Variants in MLH3 observed in about 807,000 individuals in gnomAD.
The protein encoded by MLH3 is DNA mismatch repair protein Mlh3.
Under a neutral mutation model 122.2 loss-of-function variants are expected in MLH3, and 82 were observed. The observed-to-expected ratio is 0.67, with a 90% confidence interval of 0.56 to 0.81. The LOEUF (loss-of-function observed/expected upper bound fraction) is 0.81. Ranked by LOEUF, MLH3 falls within the 30% of genes least tolerant of loss-of-function variation. MLH3 has a pLI of 0.00. For missense variants in MLH3, 1,539 were observed against 1,714.5 expected, an observed-to-expected ratio of 0.90 and a Z score of 1.81; for synonymous variants, 524 against 599.5, an observed-to-expected ratio of 0.87 and a Z score of 1.84.
chr14:75,046,358 T>C lies in MLH3; in HGVS notation c.3280+18A>G, dbSNP rs1046652446. Reference sequence around the variant, plus strand: ...CATCTTCAAAAGCATCTCATGCACATGAATACTACGTACTTACCATTCTCA... The same window carrying C: ...CATCTTCAAAAGCATCTCATGCACACGAATACTACGTACTTACCATTCTCA... On this transcript the variant is annotated intron_variant, in intron 2 of 12. Transcript: ENST00000355774. The C allele has an allele frequency of 3.7e-6, 6 of 1,613,608 alleles. No homozygotes were observed. In the African/African-American group the frequency reaches 6.7e-5, roughly 18 times the overall value.
intron 4 of MLH3, among the ~76,000 whole-genome samples, chr14:75,040,800 A>G (rs1048927756): frequency 6.6e-6 from 1 of 152,176 alleles, no homozygotes; most frequent in African/African-American, 2.4e-5. Context: ...ACCACCCTGA[A>G]TACTGTGCCA....
intron 6 of MLH3, among the ~76,000 whole-genome samples, chr14:75,036,353 A>ATT (rs72459530): frequency 0.33 from 49,327 of 149,610 alleles, 9,939 homozygotes; most frequent in East Asian, 0.63. Flanking sequence ...ACATCTTTTT[A>ATT]TTTTATTTTT....
intron 9 of MLH3, among the ~76,000 whole-genome samples, chr14:75,023,908 A>G (rs1161206466): frequency 1.3e-5 from 2 of 152,208 alleles, no homozygotes; most frequent in Non-Finnish European, 2.9e-5. Flanking sequence ...AAATGGGCAC[A>G]GTTATCAAGA....
chr14:75,041,791 G>C, intron 3 of MLH3, 91 bp from the exon 4 acceptor site: 1 of 859,594 alleles, frequency 1.2e-6, no homozygotes, highest in Non-Finnish European at 2.0e-6. Context: ...ATAGCCTCAA[G>C]ACCAAAGGTC....
chr14:75,041,077 A>G (rs1891821430), intron 4 of MLH3, among the ~76,000 whole-genome samples: 1 of 152,142 alleles, frequency 6.6e-6, no homozygotes, highest in South Asian at 2.1e-4. Flanking sequence ...TTTTTAAGAG[A>G]TGGAGTCTCA....
At chr14:75,030,227 C>T (rs1457910694) in intron 9 of MLH3, among the ~76,000 whole-genome samples, 1 of 152,198 alleles carries the variant, frequency 6.6e-6, no homozygotes, top group Admixed American at 6.5e-5. Context: ...CCCAGGCACA[C>T]AAGTCATTCT....
At position 75,040,449 on chromosome 14, in the gene MLH3, C is replaced by CAAAAAAAAAAAAAAAA. The variant is rs36233766; in HGVS notation, c.3466-450_3466-435dup. On this transcript the variant is annotated intron_variant, in intron 4 of 12. Coordinates refer to ENST00000355774, the MANE Select transcript of MLH3 (RefSeq NM_001040108.2). Reference sequence around the variant, plus strand: ...TGGGCGACACAGCAAGACTCTGTCACAAAAAAAAAAAAAAAAAAAAAAAAA... The same window carrying CAAAAAAAAAAAAAAAA: ...TGGGCGACACAGCAAGACTCTGTCACAAAAAAAAAAAAAAAAAAAAAAAAAAAAAAAAAAAAAAAAA... Among the ~76,000 whole-genome samples, 11 of 35,596 alleles carry CAAAAAAAAAAAAAAAA rather than the reference C, an allele frequency of 3.1e-4. 2 individuals are homozygous for CAAAAAAAAAAAAAAAA. The highest frequency in any genetic ancestry group is 8.9e-4 in the East Asian group (1 of 1,126). 23.4% of individuals were successfully genotyped at this position (35,596 alleles called of 152,430 possible). A position where few individuals can be genotyped will look rare whatever the true frequency, so the allele number is the denominator to read the frequency against.
chr14:75,039,098 C>T (rs1391207442), intron 5 of MLH3, among the ~76,000 whole-genome samples: 1 of 152,112 alleles, frequency 6.6e-6, no homozygotes, highest in Non-Finnish European at 1.5e-5. Flanking sequence ...ACCTCATGAT[C>T]CACCCACCTC....
In MLH3 at chr14:75,016,184, C is replaced by T; in HGVS notation, c.*898G>A. ...AATAGATAGGCATAATGTAATAACA[C>T]CAAGATACCGTTTGAAAGGGACCCA... On this transcript the variant is annotated 3_prime_UTR_variant, in exon 13 of 13. Coordinates refer to ENST00000355774, the MANE Select transcript of MLH3 (RefSeq NM_001040108.2). 4.5e-6 allele frequency: 1 copy of T among 220,158 alleles called. No homozygotes were observed. Among genetic ancestry groups the T allele is most frequent in the Admixed American group, 5.8e-5 (1 of 17,358 alleles). The allele number at this position is 220,158 out of a possible 1,614,324, so 13.6% of individuals were successfully genotyped here.
intron 6 of MLH3, among the ~76,000 whole-genome samples, chr14:75,037,093 G>C (rs1344530839): frequency 6.6e-6 from 1 of 151,996 alleles, no homozygotes; most frequent in Admixed American, 6.6e-5. Context: ...AACAGTATTG[G>C]GACAAAGCAA....
In MLH3 at chr14:75,032,163, T is replaced by G. The variant is rs1270908658; in HGVS notation, c.3732A>C (p.Gln1244His). The G allele has an allele frequency of 6.2e-7, 1 of 1,611,412 alleles. No homozygotes were observed. Among genetic ancestry groups the G allele is most frequent in the South Asian group, 1.1e-5 (1 of 91,024 alleles). Residue 1244 changes from glutamine (Q) to histidine (H), a missense_variant, in exon 8 of 13, where the codon CAA becomes CAC. Physicochemically the swap from Gln to His is conservative, Grantham distance 24. Coordinates refer to ENST00000355774, the MANE Select transcript of MLH3 (RefSeq NM_001040108.2). ...EQLIIDSYEKQQAQGSGRKKL... is the reference protein window; with the variant it reads ...EQLIIDSYEKHQAQGSGRKKL... ...TTTTCCGACCAGAGCCTTGTGCCTGTTGCTTCTCGTAGGAATCTATTGGCA... is the reference window on the plus strand; with the variant it reads ...TTTTCCGACCAGAGCCTTGTGCCTGGTGCTTCTCGTAGGAATCTATTGGCA...
chr14:75,035,296 C>T (rs142683448), intron 6 of MLH3, among the ~76,000 whole-genome samples: 6,381 of 151,892 alleles, frequency 0.042, 198 homozygotes, highest in Middle Eastern at 0.14. Context: ...CCAAGGCGGG[C>T]GGATCACCTG....
intron 2 of MLH3, among the ~76,000 whole-genome samples, chr14:75,045,895 T>C (rs1257327391): frequency 6.6e-6 from 1 of 152,054 alleles, no homozygotes; most frequent in Non-Finnish European, 1.5e-5. Context: ...GTGTTGGACC[T>C]AGAGGCTGCG....
rs188135545 is a variant in MLH3 at position 75,013,876 on chromosome 14, G to A, written c.*3206C>T. 299 of 216,056 alleles carry A rather than the reference G, an allele frequency of 1.4e-3. No individual in the cohort carries two copies. Among genetic ancestry groups the A allele is most frequent in the African/African-American group, 5.1e-3 (228 of 44,486 alleles). The allele number at this position is 216,056 out of a possible 1,614,324, so 13.4% of individuals were successfully genotyped here. On this transcript the variant is annotated 3_prime_UTR_variant, in exon 13 of 13. Transcript: ENST00000355774. ...GGACCCACCTTTTTGCCATCTCACC[G>A]TTGATGAGCAGCTTCAGCTTAGAGG...
intron 9 of MLH3, 60 bp from the exon 10 acceptor site, chr14:75,023,078 AGTTTAC>A: frequency 6.3e-7 from 1 of 1,580,580 alleles, no homozygotes; most frequent in Middle Eastern, 1.7e-4. Flanking sequence ...GCCCTTTGAT[AGTTTAC>A]AAAATATCTC....
At chr14:75,041,000 T>G (rs1891815844) in intron 4 of MLH3, among the ~76,000 whole-genome samples, 1 of 152,210 alleles carries the variant, frequency 6.6e-6, no homozygotes, top group African/African-American at 2.4e-5. Flanking sequence ...TACAAATTAA[T>G]ATAGTCTTGC....
At chr14:75,022,243 T>A (rs175055) in intron 11 of MLH3, among the ~76,000 whole-genome samples, 1 of 151,910 alleles carries the variant, frequency 6.6e-6, no homozygotes, top group Non-Finnish European at 1.5e-5. Context: ...CAAAATAATC[T>A]GTACACCAAA....
In MLH3 at chr14:75,042,287, G is replaced by A. The variant is rs1453576093; in HGVS notation, c.3379+92C>T. 2.9e-6 allele frequency: 3 copies of A among 1,033,754 alleles called. No homozygotes were observed. In the East Asian group the frequency reaches 7.1e-5, roughly 24 times the overall value. The allele number at this position is 1,033,754 out of a possible 1,614,324, so 64.0% of individuals were successfully genotyped here. A position where few individuals can be genotyped will look rare whatever the true frequency, so the allele number is the denominator to read the frequency against. ...TCCTGATTCCAGTACAGCACAGCTGGCACTGATCAAGCTTAATGCAAGCCT... is the reference window on the plus strand; with the variant it reads ...TCCTGATTCCAGTACAGCACAGCTGACACTGATCAAGCTTAATGCAAGCCT... On this transcript the variant is annotated intron_variant, in intron 3 of 12. Coordinates refer to ENST00000355774, the MANE Select transcript of MLH3 (RefSeq NM_001040108.2).
intron 6 of MLH3, among the ~76,000 whole-genome samples, chr14:75,036,251 T>C (rs1289070910): frequency 6.6e-6 from 1 of 152,188 alleles, no homozygotes; most frequent in Non-Finnish European, 1.5e-5. Context: ...AGGGTTTCAG[T>C]GATCACTTTT....
Sources: allele counts gnomAD v4.1 joint callset (sites outside exome capture counted in the v4.1 genomes callset), GRCh38; gene constraint gnomAD v4.1.1; transcripts MANE v1.5; gene names NCBI Gene and HGNC (gene_info 2026-07-23, HGNC 2026-07-21).